GRB2: variants seen among roughly 807,000 people sequenced by gnomAD.
GRB2 encodes growth factor receptor-bound protein 2.
Under a neutral mutation model 27.4 loss-of-function variants are expected in GRB2, and 2 were observed. That is an observed-to-expected ratio of 0.07 (90% CI 0.03 to 0.23). The LOEUF is 0.23. Among genes scored for constraint, GRB2 ranks in the 10% least tolerant of loss-of-function variants. The probability of loss-of-function intolerance (pLI) is 1.00; values close to 1 mark genes in which losing one functional copy is unlikely to be tolerated. For synonymous variants in GRB2, 94 were observed against 99.6 expected, an observed-to-expected ratio of 0.94 and a Z score of 0.33; for missense variants, 102 against 282.4, an observed-to-expected ratio of 0.36 and a Z score of 4.58.
At chr17:75,329,489 AT>A (rs1328301585) in intron 3 of GRB2, among the ~76,000 whole-genome samples, 6 of 151,902 alleles carry the variant, frequency 3.9e-5, no homozygotes, top group Admixed American at 2.6e-4. Context: ...ATTAAAAAAA[AT>A]AAATTGTAGT....
chr17:75,370,649 C>G (rs1371766874), intron 2 of GRB2, among the ~76,000 whole-genome samples: 1 of 152,222 alleles, frequency 6.6e-6, no homozygotes, highest in Non-Finnish European at 1.5e-5. Flanking sequence ...GCAAAGTAAA[C>G]TCAAGAGAGC....
At chr17:75,347,589 G>A (rs967417558) in intron 2 of GRB2, among the ~76,000 whole-genome samples, 8 of 152,054 alleles carry the variant, frequency 5.3e-5, no homozygotes, top group African/African-American at 1.7e-4. Context: ...GCTGTTCACC[G>A]CTCAATAAAA....
intron 2 of GRB2, among the ~76,000 whole-genome samples, chr17:75,337,347 G>A (rs1282596110): frequency 1.3e-5 from 2 of 151,058 alleles, no homozygotes; most frequent in African/African-American, 4.9e-5. Context: ...TTATTCAAAT[G>A]TTTAAGTATA....
intron 1 of GRB2, among the ~76,000 whole-genome samples, chr17:75,396,556 G>A (rs373243779): frequency 3.9e-5 from 6 of 152,030 alleles, no homozygotes; most frequent in East Asian, 3.9e-4. Context: ...CTCCAGTTTC[G>A]TCATCTGTAA....
intron 3 of GRB2, among the ~76,000 whole-genome samples, chr17:75,329,966 T>G (rs1472528221): frequency 6.6e-6 from 1 of 152,128 alleles, no homozygotes; most frequent in Non-Finnish European, 1.5e-5. Context: ...TGCTTACGGG[T>G]GAATTTTTTT....
At chr17:75,372,820 T>C (rs1224992916) in intron 2 of GRB2, 1 of 152,240 alleles carries the variant, frequency 6.6e-6, no homozygotes, top group Non-Finnish European at 1.5e-5. Context: ...GACAAATACT[T>C]TGTGGTCTAA....
At position 75,353,964 on chromosome 17, in the gene GRB2, C is replaced by T. The variant is rs184885910; in HGVS notation, c.79-21167G>A. Among the ~76,000 whole-genome samples, 646 of 147,456 alleles carry T rather than the reference C, an allele frequency of 4.4e-3. 4 individuals carry two copies. The highest frequency in any genetic ancestry group is 0.015 in the African/African-American group (606 of 39,746). On this transcript the variant is annotated intron_variant, in intron 2 of 5. Transcript: ENST00000316804. Reference sequence around the variant, plus strand: ...CTGAGGCAGGAGAATTGCTTGGACCCGGGAGGCGGAGGTTGCAGTGAGCCG... The same window carrying T: ...CTGAGGCAGGAGAATTGCTTGGACCTGGGAGGCGGAGGTTGCAGTGAGCCG...
intron 2 of GRB2, among the ~76,000 whole-genome samples, chr17:75,341,412 ATTGCACTCTAGC>A (rs2078619967): frequency 1.4e-5 from 2 of 146,730 alleles, no homozygotes; most frequent in South Asian, 4.3e-4. Context: ...AGATCACGCC[ATTGCACTCTAGC>A]CTGGGTGACA....
chr17:75,392,376 G>A (rs1227441743), intron 2 of GRB2, among the ~76,000 whole-genome samples: 3 of 152,182 alleles, frequency 2.0e-5, no homozygotes, highest in African/African-American at 7.2e-5. Flanking sequence ...CATCTTCTAT[G>A]AGGCTCAACC....
rs200444811 is a variant in GRB2, at chr17:75,392,218, C to CTTCT, written c.78+1332_78+1333insAGAA. ...TTTCTCTAGTTCAAGAAAATAGAAA[C>CTTCT]CTAGTTTCTAGAAAATGGTTCCGTC... On this transcript the variant is annotated intron_variant, in intron 2 of 5. Transcript: ENST00000316804. 7.9e-3 allele frequency among the ~76,000 whole-genome samples: 1,198 copies of CTTCT among 152,278 alleles called. 20 individuals carry two copies. The highest frequency in any genetic ancestry group is 0.027 in the African/African-American group (1,139 of 41,548).
intron 3 of GRB2, among the ~76,000 whole-genome samples, chr17:75,330,781 A>G (rs1284513548): frequency 6.6e-6 from 1 of 152,006 alleles, no homozygotes; most frequent in African/African-American, 2.4e-5. Context: ...GAGAAGGCTA[A>G]TTTTCCAATA....
intron 2 of GRB2, among the ~76,000 whole-genome samples, chr17:75,358,089 T>C (rs972826795): frequency 1.3e-5 from 2 of 152,206 alleles, no homozygotes; most frequent in African/African-American, 4.8e-5. Flanking sequence ...AAATTACCAT[T>C]GATGTAATCT....
intron 2 of GRB2, among the ~76,000 whole-genome samples, chr17:75,388,812 G>A (rs935339106): frequency 2.0e-5 from 3 of 152,106 alleles, no homozygotes; most frequent in Non-Finnish European, 4.4e-5. Context: ...CTTATAACTT[G>A]TGAAAACTCT....
At chr17:75,375,673 G>A (rs146033056) in intron 2 of GRB2, among the ~76,000 whole-genome samples, 1 of 151,892 alleles carries the variant, frequency 6.6e-6, no homozygotes, top group African/African-American at 2.4e-5. Flanking sequence ...ACTGAGGCTA[G>A]GAGTTTGAGA....
At chr17:75,378,378 C>A (rs1196814638) in intron 2 of GRB2, among the ~76,000 whole-genome samples, 1 of 143,618 alleles carries the variant, frequency 7.0e-6, no homozygotes, top group East Asian at 1.9e-4. Context: ...GTGAGACTGT[C>A]TCAAAAAACA....
At chr17:75,322,893 G>A (rs985324675) in intron 4 of GRB2, among the ~76,000 whole-genome samples, 6 of 152,150 alleles carry the variant, frequency 3.9e-5, no homozygotes, top group Admixed American at 1.3e-4. Context: ...GCCGAGGTGG[G>A]CGGATCATAA....
chr17:75,383,477 C>T (rs2078942887), intron 2 of GRB2, among the ~76,000 whole-genome samples: 1 of 152,142 alleles, frequency 6.6e-6, no homozygotes, highest in African/African-American at 2.4e-5. Context: ...CTTATCAATG[C>T]TGTGTACTGA....
intron 2 of GRB2, among the ~76,000 whole-genome samples, chr17:75,391,660 TA>T (rs1255920060): frequency 6.6e-6 from 1 of 152,002 alleles, no homozygotes; most frequent in Non-Finnish European, 1.5e-5. Flanking sequence ...TTCAAAAAAT[TA>T]GCCGGGCGTG....
intron 2 of GRB2, among the ~76,000 whole-genome samples, chr17:75,382,140 T>C (rs937144297): frequency 2.6e-5 from 4 of 151,990 alleles, no homozygotes; most frequent in Admixed American, 6.6e-5. Context: ...GAAAAATCAC[T>C]TGAACTCGGG....
Sources: gnomAD v4.1 joint callset for allele counts (sites outside exome capture counted in the v4.1 genomes callset) on GRCh38, gnomAD v4.1.1 for gene constraint, MANE v1.5 for transcripts, NCBI Gene and HGNC (gene_info 2026-07-23, HGNC 2026-07-21) for gene names.